Variants in NCAM1 observed in about 807,000 individuals in gnomAD.
NCAM1 encodes neural cell adhesion molecule 1.
In NCAM1, 14 loss-of-function variants were observed where a neutral mutation model predicts 109.8. The observed-to-expected ratio is 0.13, with a 90% CI of 0.08 to 0.20. The LOEUF is 0.20. Ranked by LOEUF, NCAM1 falls within the 10% of genes least tolerant of loss-of-function variation. The pLI is 1.00. For synonymous variants in NCAM1, 418 were observed against 442.9 expected (o/e 0.94, Z 0.70); for missense variants, 774 against 1,109.9 (o/e 0.70, Z 4.30).
At chr11:113,153,982 G>C (rs1322555637) in intron 1 of NCAM1, among the ~76,000 whole-genome samples, 1 of 152,228 alleles carries the variant, frequency 6.6e-6, no homozygotes, top group Non-Finnish European at 1.5e-5. Context: ...TCTACCATGT[G>C]CTTGGATCTG....
At chr11:113,006,950 CA>C (rs1951907642) in intron 1 of NCAM1, among the ~76,000 whole-genome samples, 1 of 152,096 alleles carries the variant, frequency 6.6e-6, no homozygotes, top group Non-Finnish European at 1.5e-5. Context: ...CATGAAGAAA[CA>C]AAAAGACCCA....
rs1221943431 is a variant in NCAM1, at chr11:113,231,777, A to G, written c.1222A>G (p.Met408Val). The G allele has an allele frequency of 6.2e-7, 1 of 1,613,982 alleles. No homozygotes were observed. Among genetic ancestry groups the G allele is most frequent in the Non-Finnish European group, 8.5e-7 (1 of 1,179,898 alleles). ...SNTIGQDSQS[M>V]YLEVQYAPKL... ...CACCATCGGCCAGGACTCCCAGTCC[A>G]TGTACCTTGAAGTGCAATGTAAGGA... Residue 408 changes from methionine to valine, a missense_variant, in exon 10 of 20, where the codon ATG (methionine) becomes GTG (valine). Transcript: ENST00000316851.
chr11:113,259,360 A>G (rs1565534967), intron 16 of NCAM1, among the ~76,000 whole-genome samples: 1 of 151,464 alleles, frequency 6.6e-6, no homozygotes, highest in Non-Finnish European at 1.5e-5. Flanking sequence ...CATAGTTTTC[A>G]TTTTTAACGA....
At chr11:113,261,178 C>T (rs1354727885) in intron 17 of NCAM1, among the ~76,000 whole-genome samples, 8 of 151,972 alleles carry the variant, frequency 5.3e-5, no homozygotes, top group East Asian at 1.9e-4. Flanking sequence ...GGTGGGAAGA[C>T]GGCCTTGGGC....
intron 1 of NCAM1, among the ~76,000 whole-genome samples, chr11:113,071,469 A>C (rs1049570496): frequency 5.2e-5 from 7 of 135,348 alleles, no homozygotes; most frequent in African/African-American, 2.0e-4. Context: ...TTTATCGCCC[A>C]GGCTGGAGTG....
intron 17 of NCAM1, chr11:113,269,658 G>A (rs577342725): frequency 1.7e-3 from 288 of 166,782 alleles, no homozygotes; most frequent in Non-Finnish European, 2.8e-3. Flanking sequence ...CCTAAAGAGG[G>A]AAAGAGGAAG....
At chr11:113,009,365 C>G (rs1316399774) in intron 1 of NCAM1, among the ~76,000 whole-genome samples, 1 of 133,658 alleles carries the variant, frequency 7.5e-6, no homozygotes, top group Non-Finnish European at 1.5e-5. Flanking sequence ...CACTCTGTCA[C>G]CTAGGCTGGA....
At chr11:113,259,983 G>A (rs1945942170) in intron 16 of NCAM1, 163 bp from the exon 17 acceptor site, 3 of 596,966 alleles carry the variant, frequency 5.0e-6, no homozygotes, top group South Asian at 4.4e-5. Flanking sequence ...AGGATTATAG[G>A]CATGAGCCAC....
chr11:113,164,425 G>C (rs1397560209), intron 1 of NCAM1, among the ~76,000 whole-genome samples: 1 of 151,968 alleles, frequency 6.6e-6, no homozygotes, highest in African/African-American at 2.4e-5. Flanking sequence ...CAGGCTAAAG[G>C]CTCAGTCCCA....
chr11:112,982,895 A>G (rs191743292), intron 1 of NCAM1, among the ~76,000 whole-genome samples: 16 of 152,032 alleles, frequency 1.1e-4, no homozygotes, highest in African/African-American at 3.9e-4. Flanking sequence ...AGTTTTTAGG[A>G]GAGATCACGT....
chr11:113,119,631 T>A (rs1940864694), intron 1 of NCAM1, among the ~76,000 whole-genome samples: 2 of 152,178 alleles, frequency 1.3e-5, no homozygotes, highest in South Asian at 4.1e-4. Flanking sequence ...TAATATCACA[T>A]AAAACCAAAA....
At chr11:113,177,334 G>A (rs1943187652) in intron 1 of NCAM1, among the ~76,000 whole-genome samples, 1 of 152,058 alleles carries the variant, frequency 6.6e-6, no homozygotes, top group Non-Finnish European at 1.5e-5. Flanking sequence ...TACCTTATGT[G>A]GGCTGAAATT....
chr11:113,091,712 G>C (rs1364961979), intron 1 of NCAM1, among the ~76,000 whole-genome samples: 1 of 152,176 alleles, frequency 6.6e-6, no homozygotes, highest in East Asian at 1.9e-4. Context: ...ATCTCATTCA[G>C]TCCTTGGGGC....
rs1191741198 is a variant in NCAM1 at position 113,274,406 on chromosome 11, C to A, written c.2457-861C>A. ...AGTGTCTTGCCAAAATTCAGTGGCA[C>A]CAGCTGAGGCTGGGGTCTGTGCCTG... On this transcript the variant is annotated intron_variant, in intron 19 of 19. Coordinates refer to ENST00000316851, the MANE Select transcript of NCAM1 (RefSeq NM_181351.5). The surrounding 1 kb of genome is among the most constrained non-coding windows in gnomAD (Gnocchi z 4.1). Among the ~76,000 whole-genome samples, 1 of 152,202 alleles carries A rather than the reference C, an allele frequency of 6.6e-6. No homozygotes were observed. Among genetic ancestry groups the A allele is most frequent in the Non-Finnish European group, 1.5e-5 (1 of 68,034 alleles).
chr11:112,962,429 C>T lies in NCAM1; in HGVS notation c.52+765C>T, dbSNP rs537275058. 3.2e-4 allele frequency among the ~76,000 whole-genome samples: 49 copies of T among 151,942 alleles called. No homozygotes were observed. Among genetic ancestry groups the T allele is most frequent in the African/African-American group, 1.1e-3 (46 of 41,378 alleles). On this transcript the variant is annotated intron_variant, in intron 1 of 19. Coordinates refer to ENST00000316851, the MANE Select transcript of NCAM1 (RefSeq NM_181351.5). The surrounding 1 kb of genome is among the most constrained non-coding windows in gnomAD (Gnocchi z 5.6). ...GAGGGCGAGGAGGGCGTGATTGGGG[C>T]TGCCTGGTGTGTGCGCGCGCGTGTG...
At chr11:112,967,382 A>G (rs1215437429) in intron 1 of NCAM1, among the ~76,000 whole-genome samples, 1 of 152,220 alleles carries the variant, frequency 6.6e-6, no homozygotes, top group East Asian at 1.9e-4. Context: ...AAGGAGTGAG[A>G]TGACATAATT....
chr11:112,997,154 G>C (rs1317884002), intron 1 of NCAM1, among the ~76,000 whole-genome samples: 2 of 139,320 alleles, frequency 1.4e-5, no homozygotes, highest in Non-Finnish European at 3.2e-5. Flanking sequence ...TTATGAGAAA[G>C]TTAATCAGGA....
intron 1 of NCAM1, among the ~76,000 whole-genome samples, chr11:113,046,640 G>A (rs1953276218): frequency 6.6e-6 from 1 of 152,090 alleles, no homozygotes; most frequent in South Asian, 2.1e-4. Context: ...ATGAATGAAT[G>A]GATGAATAAA....
chr11:113,250,984 A>G (rs1252438291), intron 15 of NCAM1, among the ~76,000 whole-genome samples: 2 of 152,094 alleles, frequency 1.3e-5, no homozygotes, highest in African/African-American at 2.4e-5. Context: ...TTTTTTTAGT[A>G]GAGATGGGGT....
Sources: gnomAD v4.1 joint callset for allele counts (sites outside exome capture counted in the v4.1 genomes callset) on GRCh38, gnomAD v4.1.1 for gene constraint, Gnocchi (gnomAD v3.1) non-coding constraint, MANE v1.5 for transcripts, NCBI Gene and HGNC (gene_info 2026-07-23, HGNC 2026-07-21) for gene names.